USP18: variants seen among roughly 807,000 people sequenced by gnomAD.
The protein encoded by USP18 is ubiquitin specific peptidase 18.
In USP18, 11 loss-of-function variants were observed where a neutral mutation model predicts 48.7. The ratio of observed to expected loss-of-function variants is 0.23; its 90% CI spans 0.14 to 0.37. The LOEUF (loss-of-function observed/expected upper bound fraction) is 0.37, where lower values mean the gene tolerates loss of function less well. USP18 is among the 10% of genes least tolerant of loss of function. The probability of loss-of-function intolerance (pLI) is 1.00; values close to 1 mark genes in which losing one functional copy is unlikely to be tolerated. For synonymous variants in USP18, 114 were observed against 163.2 expected (o/e 0.70, Z 2.30); for missense variants, 285 against 436.4 (o/e 0.65, Z 3.09).
At chr22:18,174,317 T>C (rs1929721604) in intron 10 of USP18, among the ~76,000 whole-genome samples, 1 of 149,862 alleles carries the variant, frequency 6.7e-6, no homozygotes, top group South Asian at 2.2e-4. Context: ...TGGCTCCTCC[T>C]CCCAGGTTCA....
At chr22:18,159,277 A>T (rs914418861) in intron 2 of USP18, among the ~76,000 whole-genome samples, 4 of 151,994 alleles carry the variant, frequency 2.6e-5, no homozygotes, top group Non-Finnish European at 5.9e-5. Context: ...GCTGGTATTG[A>T]ACTCCTGACC....
intron 2 of USP18, among the ~76,000 whole-genome samples, chr22:18,158,611 G>C (rs1929234383): frequency 6.6e-6 from 1 of 152,174 alleles, no homozygotes; most frequent in Non-Finnish European, 1.5e-5. Context: ...CTGAGCCTAA[G>C]GTTGGGTTGG....
chr22:18,161,929 G>T lies in USP18; in HGVS notation c.394G>T (p.Val132Leu). The T allele has an allele frequency of 6.2e-7, 1 of 1,612,262 alleles. No homozygotes were observed. Among genetic ancestry groups the T allele is most frequent in the Non-Finnish European group, 8.5e-7 (1 of 1,179,038 alleles). The change falls in exon 4 of 11, where the codon GTG becomes TTG. Residue 132 changes from valine to leucine, a missense_variant. This residue lies in a region of USP18 where 199 missense variants were observed against 239.6 expected (regional missense o/e 0.83). Coordinates refer to ENST00000215794, the MANE Select transcript of USP18 (RefSeq NM_017414.4). The part of the protein sequence containing the change: ...ELAYCLQKCN[V>L]PLFVQHDAAQ... ...GGCCTACTGCCTGCAGAAGTGCAACGTGCCCTGTAAGATACCCTCCCACTG... is the reference window on the plus strand; with the variant it reads ...GGCCTACTGCCTGCAGAAGTGCAACTTGCCCTGTAAGATACCCTCCCACTG...
At position 18,167,859 on chromosome 22, in the gene USP18, C is replaced by T. The variant is rs1184686370; in HGVS notation, c.481-31C>T. ...CCTGACCTGGCTTATGGTGGTGTTC[C>T]CATCTCACCTCTCCGCTCTCCCTCT... is the stretch of plus-strand genomic sequence containing the variant. On this transcript the variant is annotated intron_variant, in intron 5 of 10. Transcript: ENST00000215794. 3 of 1,600,524 alleles carry T rather than the reference C, an allele frequency of 1.9e-6. No homozygotes were observed. In the South Asian group the frequency reaches 3.3e-5, roughly 18 times the overall value.
chr22:18,155,391 G>A (rs4422236), intron 1 of USP18, among the ~76,000 whole-genome samples: 113,641 of 152,180 alleles, frequency 0.75, 43,667 homozygotes, highest in Non-Finnish European at 0.83. Context: ...GCTCGCTCTC[G>A]GTGCCTCCTC....
intron 7 of USP18, 46 bp from the exon 8 acceptor site, chr22:18,170,707 C>T: frequency 6.2e-7 from 1 of 1,605,556 alleles, no homozygotes; most frequent in Non-Finnish European, 8.5e-7. Flanking sequence ...CTCTGACTCT[C>T]TCATTCCAAG....
intron 6 of USP18, 81 bp downstream of exon 6, chr22:18,168,117 G>A: frequency 6.4e-7 from 1 of 1,571,142 alleles, no homozygotes; most frequent in East Asian, 2.3e-5. Context: ...TCTGAGACTA[G>A]GTAATTTATT....
Position 18,173,113 on chromosome 22 carries a change from G to A in USP18, c.892-37G>A, listed in dbSNP as rs773299716. On this transcript the variant is annotated intron_variant, in intron 8 of 10. Coordinates refer to ENST00000215794, the MANE Select transcript of USP18 (RefSeq NM_017414.4). ...AATGTGTGAGGCAGTCGTGTTTGTG[G>A]TGGTGGGTGAACTGTCTCGTGCCTG... The A allele has an allele frequency of 5.0e-6, 8 of 1,603,028 alleles. No individual in the cohort carries two copies. The Admixed American group carries it at 1.2e-4, about 24-fold the overall frequency.
In USP18 at chr22:18,157,612, TC is replaced by T; in HGVS notation, c.-50del. On this transcript the variant is annotated 5_prime_UTR_variant, in exon 2 of 11. Transcript: ENST00000215794. ...GCTTCCTGGAAGTGAAGTCGTGCTG[TC>T]CTGAACGCGGGCCAGGCAGCTGCGG... The T allele has an allele frequency of 6.2e-7, 1 of 1,612,062 alleles. No individual in the cohort carries two copies. The highest frequency in any genetic ancestry group is 8.5e-7 in the Non-Finnish European group (1 of 1,178,688).
intron 10 of USP18, 46 bp downstream of exon 10, chr22:18,173,888 G>T: frequency 2.0e-6 from 3 of 1,511,060 alleles, no homozygotes; most frequent in Non-Finnish European, 2.7e-6. Context: ...GCTCACATAG[G>T]GTCCTTGGAG....
chr22:18,150,745 C>T (rs1052084671), intron 1 of USP18, among the ~76,000 whole-genome samples: 1 of 152,180 alleles, frequency 6.6e-6, no homozygotes, highest in Non-Finnish European at 1.5e-5. Context: ...GAGGGAGGAT[C>T]ACCTGAGGTC....
At chr22:18,156,333 C>A (rs1268557978) in intron 1 of USP18, among the ~76,000 whole-genome samples, 1 of 152,212 alleles carries the variant, frequency 6.6e-6, no homozygotes, top group Non-Finnish European at 1.5e-5. Flanking sequence ...AGAATAAAAG[C>A]AGGCTGCCCG....
intron 1 of USP18, among the ~76,000 whole-genome samples, chr22:18,151,598 A>G (rs904483599): frequency 6.6e-6 from 1 of 152,190 alleles, no homozygotes; most frequent in Non-Finnish European, 1.5e-5. Flanking sequence ...TACAAAGGGG[A>G]AAATGCTTAA....
chr22:18,160,510 G>A (rs1425655214), intron 3 of USP18, among the ~76,000 whole-genome samples: 1 of 151,806 alleles, frequency 6.6e-6, no homozygotes, highest in Non-Finnish European at 1.5e-5. Context: ...CACCGTGTTA[G>A]CCAGGAAGGT....
At chr22:18,159,121 T>A (rs1409890124) in intron 2 of USP18, among the ~76,000 whole-genome samples, 4 of 152,180 alleles carry the variant, frequency 2.6e-5, no homozygotes, top group Non-Finnish European at 4.4e-5. Context: ...AGTGGCACGA[T>A]CTTGGCTCAC....
chr22:18,174,811 G>C (rs1602535044), intron 10 of USP18, among the ~76,000 whole-genome samples: 2 of 152,202 alleles, frequency 1.3e-5, no homozygotes, highest in Non-Finnish European at 2.9e-5. Flanking sequence ...TGCCAGGCTT[G>C]TCTCAAACTG....
rs532129894 is a variant in USP18 at position 18,173,132 on chromosome 22, G to A, written c.892-18G>A. 77 of 1,589,004 alleles carry A rather than the reference G, an allele frequency of 4.8e-5. 3 individuals are homozygous for A. In the South Asian group the frequency reaches 6.7e-4, roughly 14 times the overall value. ...TTTGTGGTGGTGGGTGAACTGTCTC[G>A]TGCCTGTCTCTTTCCAGTCTGGAGG... On this transcript the variant is annotated intron_variant, in intron 8 of 10. Transcript: ENST00000215794.
chr22:18,174,907 T>TTTG (rs1569213713), intron 10 of USP18, among the ~76,000 whole-genome samples: 19 of 151,998 alleles, frequency 1.3e-4, no homozygotes, highest in East Asian at 3.9e-4. Context: ...CACACTGTTT[T>TTTG]TTTGTTTGTT....
chr22:18,154,849 G>A (rs1362005626), intron 1 of USP18, among the ~76,000 whole-genome samples: 2 of 152,168 alleles, frequency 1.3e-5, no homozygotes, highest in African/African-American at 4.8e-5. Flanking sequence ...CAATGTCTGT[G>A]CATTGACATA....
Sources: allele counts gnomAD v4.1 joint callset (sites outside exome capture counted in the v4.1 genomes callset), GRCh38; gene constraint gnomAD v4.1.1; regional missense constraint gnomAD v4.1.1; transcripts MANE v1.5; gene names NCBI Gene and HGNC (gene_info 2026-07-23, HGNC 2026-07-21).